Variants in WWOX observed in about 807,000 individuals in gnomAD.
WWOX encodes WW domain-containing oxidoreductase.
WWOX carries 69 observed loss-of-function variants against 46.2 expected under a neutral mutation model. The ratio of observed to expected loss-of-function variants is 1.49; its 90% CI spans 1.23 to 1.82. The LOEUF (loss-of-function observed/expected upper bound fraction) is 1.82, where lower values mean the gene tolerates loss of function less well. Ranked by LOEUF, WWOX falls within the 40% of genes most tolerant of loss-of-function variation. The pLI is 0.00. For synonymous variants in WWOX, 359 were observed against 202.6 expected (o/e 1.77, Z -6.56); for missense variants, 919 against 542.6 (o/e 1.69, Z -6.89).
chr16:78,572,954 A>G (rs573468248), intron 8 of WWOX, among the ~76,000 whole-genome samples: 56 of 152,326 alleles, frequency 3.7e-4, no homozygotes, highest in South Asian at 2.1e-3. Flanking sequence ...TGTGGCACAT[A>G]TCACATAATC....
Position 78,529,041 on chromosome 16 carries a change from C to T in WWOX, c.1056+96289C>T, listed in dbSNP as rs143062913. 5.4e-3 allele frequency among the ~76,000 whole-genome samples: 821 copies of T among 150,820 alleles called. 10 individuals carry two copies. Among genetic ancestry groups the T allele is most frequent in the African/African-American group, 0.019 (793 of 41,022 alleles). ...CGATCTTGGCTTACTATAGCCTTGA[C>T]CTCTCTGGCTCCAGTGATCCTCCCA... On this transcript the variant is annotated intron_variant, in intron 8 of 8. Coordinates refer to ENST00000566780, the MANE Select transcript of WWOX (RefSeq NM_016373.4).
intron 8 of WWOX, among the ~76,000 whole-genome samples, chr16:79,014,933 A>G (rs1483858993): frequency 2.0e-5 from 3 of 152,178 alleles, no homozygotes; most frequent in African/African-American, 4.8e-5. Context: ...AGGAAGGACT[A>G]GGAATGCTCT....
chr16:78,708,705 G>C (rs1415023309), intron 8 of WWOX, among the ~76,000 whole-genome samples: 1 of 152,164 alleles, frequency 6.6e-6, no homozygotes, highest in Non-Finnish European at 1.5e-5. Context: ...CTCCAAGTGC[G>C]TTTATTATTG....
intron 8 of WWOX, among the ~76,000 whole-genome samples, chr16:78,926,573 A>T (rs1166362315): frequency 6.6e-6 from 1 of 152,102 alleles, no homozygotes; most frequent in Non-Finnish European, 1.5e-5. Flanking sequence ...GCAGACGTAC[A>T]CTTCTTTGCT....
chr16:78,827,522 C>T (rs948507094), intron 8 of WWOX, among the ~76,000 whole-genome samples: 20 of 152,076 alleles, frequency 1.3e-4, no homozygotes, highest in African/African-American at 4.1e-4. Context: ...CTGAAAGGAG[C>T]TGGAAGAGTG....
intron 1 of WWOX, chr16:78,100,150 G>T (rs1050094896): frequency 4.6e-6 from 6 of 1,314,612 alleles, no homozygotes; most frequent in Non-Finnish European, 4.9e-6. Context: ...CGCGGCGAGG[G>T]CAAAGCGGCC....
At chr16:78,352,736 G>C (rs537528413) in intron 5 of WWOX, among the ~76,000 whole-genome samples, 22 of 152,244 alleles carry the variant, frequency 1.4e-4, no homozygotes, top group East Asian at 7.7e-4. Context: ...TTGGGGTAGA[G>C]GGCATTCCAC....
At position 78,115,008 on chromosome 16, in the gene WWOX, C is replaced by T. The variant is rs200371768; in HGVS notation, c.263C>T (p.Pro88Leu). Residue 88 changes from proline (P) to leucine (L), a missense_variant, in exon 4 of 9, where the codon CCA becomes CTA. Physicochemically the swap from Pro to Leu is moderately conservative, Grantham distance 98 (BLOSUM62 -3). Transcript: ENST00000566780. ...HINKRTTYLD[P>L]RLAFTVDDNP... ...AATAAAAGAACCACCTACTTGGACC[C>T]AAGACTGGCGTTTACTGTGGATGAT... 1.9e-6 allele frequency: 3 copies of T among 1,614,122 alleles called. No homozygotes were observed. The highest frequency in any genetic ancestry group is 2.5e-6 in the Non-Finnish European group (3 of 1,180,060).
At chr16:78,775,719 T>A (rs1187225867) in intron 8 of WWOX, among the ~76,000 whole-genome samples, 1 of 152,210 alleles carries the variant, frequency 6.6e-6, no homozygotes, top group Non-Finnish European at 1.5e-5. Context: ...GTTCATTCAA[T>A]GGTGGGTATT....
At chr16:79,042,692 A>G (rs2047994394) in intron 8 of WWOX, among the ~76,000 whole-genome samples, 1 of 151,222 alleles carries the variant, frequency 6.6e-6, no homozygotes, top group Non-Finnish European at 1.5e-5. Flanking sequence ...GAATAGCTTC[A>G]GGAAGACTTT....
chr16:78,416,274 C>T (rs2082795771), intron 6 of WWOX, among the ~76,000 whole-genome samples: 1 of 152,174 alleles, frequency 6.6e-6, no homozygotes, highest in Non-Finnish European at 1.5e-5. Flanking sequence ...TTAGTCAAAA[C>T]TGAGCGCAAT....
intron 5 of WWOX, among the ~76,000 whole-genome samples, chr16:78,213,680 T>A (rs374380423): frequency 6.6e-6 from 1 of 151,928 alleles, no homozygotes; most frequent in African/African-American, 2.4e-5. Context: ...AAAGATGACA[T>A]TGGGGACCAG....
At chr16:78,898,711 A>G (rs1016592897) in intron 8 of WWOX, 1 of 152,138 alleles carries the variant, frequency 6.6e-6, no homozygotes, top group Non-Finnish European at 1.5e-5. Flanking sequence ...AGGAGGATCA[A>G]AATCCTGAAA....
chr16:78,629,393 C>T (rs114796664), intron 8 of WWOX, among the ~76,000 whole-genome samples: 2,330 of 152,304 alleles, frequency 0.015, 57 homozygotes, highest in African/African-American at 0.052. Context: ...AGATTTCTCA[C>T]TGGCATCTCT....
At chr16:78,232,796 A>G (rs1170154963) in intron 5 of WWOX, among the ~76,000 whole-genome samples, 2 of 152,176 alleles carry the variant, frequency 1.3e-5, no homozygotes, top group African/African-American at 2.4e-5. Flanking sequence ...ATTTATCAAG[A>G]AATTAAAAAG....
At chr16:78,373,948 G>A (rs2081756248) in intron 5 of WWOX, among the ~76,000 whole-genome samples, 3 of 151,946 alleles carry the variant, frequency 2.0e-5, no homozygotes, top group African/African-American at 4.8e-5. Flanking sequence ...CACCAGGCCC[G>A]GCCAATTTTT....
intron 8 of WWOX, among the ~76,000 whole-genome samples, chr16:78,670,132 T>G (rs746085653): frequency 6.9e-6 from 1 of 144,080 alleles, no homozygotes; most frequent in Non-Finnish European, 1.5e-5. Flanking sequence ...TCTGCGTCAG[T>G]AGAGGCCAGC....
chr16:78,831,568 A>G (rs2051826589), intron 8 of WWOX, among the ~76,000 whole-genome samples: 2 of 152,224 alleles, frequency 1.3e-5, no homozygotes, highest in East Asian at 1.9e-4. Context: ...CCTGCACACC[A>G]GGAGGCAGGC....
At chr16:78,330,029 C>T (rs74749728) in intron 5 of WWOX, among the ~76,000 whole-genome samples, 3,775 of 152,294 alleles carry the variant, frequency 0.025, 173 homozygotes, top group African/African-American at 0.087. Flanking sequence ...TACTGGATTA[C>T]AGGCATGAGT....
Sources: gnomAD v4.1 joint callset for allele counts (sites outside exome capture counted in the v4.1 genomes callset) on GRCh38, gnomAD v4.1.1 for gene constraint, MANE v1.5 for transcripts, NCBI Gene and HGNC (gene_info 2026-07-23, HGNC 2026-07-21) for gene names.